The following UBE2QL1 variants were observed in gnomAD, a reference collection of about 807,000 sequenced individuals.
The protein encoded by UBE2QL1 is ubiquitin-conjugating enzyme E2Q-like protein 1.
A neutral mutation model predicts 12.6 loss-of-function variants in UBE2QL1; 5 were observed. The observed-to-expected ratio is 0.40, with a 90% CI of 0.21 to 0.83. The LOEUF is 0.83. Ranked by LOEUF, UBE2QL1 falls within the 40% of genes least tolerant of loss-of-function variation. The probability of loss-of-function intolerance (pLI) is 0.37; values close to 1 mark genes in which losing one functional copy is unlikely to be tolerated. For missense variants in UBE2QL1, 99 were observed against 222.6 expected, an observed-to-expected ratio of 0.44 and a Z score of 3.53; for synonymous variants, 96 against 94.5, an observed-to-expected ratio of 1.02 and a Z score of -0.10.
intron 1 of UBE2QL1, among the ~76,000 whole-genome samples, chr5:6,490,526 G>C (rs539929970): frequency 6.6e-6 from 1 of 152,112 alleles, no homozygotes; most frequent in African/African-American, 2.4e-5. Context: ...TCCCGGGATC[G>C]TGTGACAAAG....
At position 6,461,637 on chromosome 5, in the gene UBE2QL1, G is replaced by T. The variant is rs530537724; in HGVS notation, c.354+12390G>T. Among the ~76,000 whole-genome samples, 173 of 149,704 alleles carry T rather than the reference G, an allele frequency of 1.2e-3. 1 individual carries two copies. The highest frequency in any genetic ancestry group is 4.1e-3 in the African/African-American group (169 of 40,770). ...ATATCTAAATCAGTTCCTGGGCCTG[G>T]GTGGTGTTGCCATAACTACTGATCT... is the stretch of plus-strand genomic sequence containing the variant. On this transcript the variant is annotated intron_variant, in intron 1 of 1. Coordinates refer to ENST00000399816, the MANE Select transcript of UBE2QL1 (RefSeq NM_001145161.3).
chr5:6,484,233 G>A (rs928874991), intron 1 of UBE2QL1, among the ~76,000 whole-genome samples: 4 of 152,202 alleles, frequency 2.6e-5, no homozygotes, highest in Non-Finnish European at 2.9e-5. Flanking sequence ...CCATGTTGGC[G>A]TCGGAGGGGC....
chr5:6,469,740 A>G (rs1579294315), intron 1 of UBE2QL1, among the ~76,000 whole-genome samples: 1 of 152,078 alleles, frequency 6.6e-6, no homozygotes, highest in African/African-American at 2.4e-5. Context: ...TAAATGATCT[A>G]TAGGGACTTT....
intron 1 of UBE2QL1, among the ~76,000 whole-genome samples, chr5:6,456,036 C>A (rs2126325610): frequency 6.6e-6 from 1 of 152,306 alleles, no homozygotes; most frequent in African/African-American, 2.4e-5. Context: ...TGAGCAGACC[C>A]TCCAGAGCCG....
intron 1 of UBE2QL1, among the ~76,000 whole-genome samples, chr5:6,465,947 G>A (rs575104463): frequency 5.9e-5 from 9 of 151,864 alleles, no homozygotes; most frequent in Non-Finnish European, 1.0e-4. Flanking sequence ...TCCTTCCCCC[G>A]ACACCAGCCT....
At chr5:6,474,950 G>A (rs137924273) in intron 1 of UBE2QL1, among the ~76,000 whole-genome samples, 189 of 152,334 alleles carry the variant, frequency 1.2e-3, no homozygotes, top group African/African-American at 4.4e-3. Flanking sequence ...CTTGAGGAGA[G>A]GCTGGAGCAG....
chr5:6,470,495 C>G (rs1739887757), intron 1 of UBE2QL1, among the ~76,000 whole-genome samples: 1 of 152,094 alleles, frequency 6.6e-6, no homozygotes, highest in Non-Finnish European at 1.5e-5. Context: ...TTTTTCTGCA[C>G]CCGTGAACAC....
chr5:6,488,520 C>G (rs567849533), intron 1 of UBE2QL1, among the ~76,000 whole-genome samples: 1 of 151,816 alleles, frequency 6.6e-6, no homozygotes, highest in South Asian at 2.1e-4. Context: ...TGATGCTGGC[C>G]GGGCACACTG....
rs1364456298 is a variant in UBE2QL1 at position 6,481,309 on chromosome 5, C to T, written c.355-9909C>T. 6.6e-6 allele frequency among the ~76,000 whole-genome samples: 1 copy of T among 152,230 alleles called. No individual in the cohort carries two copies. The highest frequency in any genetic ancestry group is 2.4e-5 in the African/African-American group (1 of 41,450). On this transcript the variant is annotated intron_variant, in intron 1 of 1. Coordinates refer to ENST00000399816, the MANE Select transcript of UBE2QL1 (RefSeq NM_001145161.3). This position sits in a 1 kb window ranked among gnomAD's most constrained non-coding sequence, Gnocchi z 4.5. ...GCAGGCCTGGCCCCGGGTCACTTGG[C>T]ATGGTGGCCCACCACCTCCATCCCA...
chr5:6,493,689 A>G lies in UBE2QL1; in HGVS notation c.*2340A>G, dbSNP rs911368285. The G allele has an allele frequency of 1.3e-5, 2 of 151,714 alleles. No individual in the cohort carries two copies. The highest frequency in any genetic ancestry group is 4.9e-5 in the African/African-American group (2 of 40,962). 9.4% of individuals were successfully genotyped at this position (151,714 alleles called of 1,614,324 possible). A position where few individuals can be genotyped will look rare whatever the true frequency, so the allele number is the denominator to read the frequency against. On this transcript the variant is annotated 3_prime_UTR_variant, in exon 2 of 2. Transcript: ENST00000399816. ...AATACCATTTTTCACTCAATTGGTA[A>G]GAATTTTTCATTTTAAAAGCAGTAG...
At chr5:6,468,026 C>T (rs1418461433) in intron 1 of UBE2QL1, among the ~76,000 whole-genome samples, 3 of 152,152 alleles carry the variant, frequency 2.0e-5, no homozygotes, top group African/African-American at 7.2e-5. Context: ...TGAACAGGGA[C>T]TCGATCCATC....
At chr5:6,459,969 T>TG (rs1739616360) in intron 1 of UBE2QL1, among the ~76,000 whole-genome samples, 1 of 152,166 alleles carries the variant, frequency 6.6e-6, no homozygotes, top group Non-Finnish European at 1.5e-5. Context: ...CTCGAGGTAG[T>TG]GTGTGGCTCT....
intron 1 of UBE2QL1, among the ~76,000 whole-genome samples, chr5:6,463,116 T>A (rs1739710298): frequency 6.6e-6 from 1 of 152,238 alleles, no homozygotes; most frequent in Non-Finnish European, 1.5e-5. Context: ...CTTAATTGTA[T>A]CTCCCTTCAG....
intron 1 of UBE2QL1, among the ~76,000 whole-genome samples, chr5:6,461,658 G>C (rs1053341538): frequency 3.3e-5 from 5 of 151,626 alleles, no homozygotes; most frequent in African/African-American, 1.2e-4. Context: ...CATAACTACT[G>C]ATCTAGGTTT....
intron 1 of UBE2QL1, among the ~76,000 whole-genome samples, chr5:6,470,804 T>C (rs112488353): frequency 7.9e-5 from 12 of 152,282 alleles, no homozygotes; most frequent in African/African-American, 2.9e-4. Context: ...TGTACCCTAA[T>C]TACCATAGGG....
At chr5:6,449,294 C>T in intron 1 of UBE2QL1, 47 bp downstream of exon 1, 2 of 1,309,292 alleles carry the variant, frequency 1.5e-6, no homozygotes, top group Non-Finnish European at 1.9e-6. Flanking sequence ...GAGATCGGGT[C>T]TGCAGCGCCG....
intron 1 of UBE2QL1, among the ~76,000 whole-genome samples, chr5:6,490,795 T>C (rs748317143): frequency 1.8e-4 from 27 of 152,242 alleles, no homozygotes; most frequent in Non-Finnish European, 2.9e-4. Flanking sequence ...AGGCATTCTT[T>C]TGAGGGAGGG....
At chr5:6,490,244 A>C (rs1408738580) in intron 1 of UBE2QL1, among the ~76,000 whole-genome samples, 1 of 152,346 alleles carries the variant, frequency 6.6e-6, no homozygotes, top group East Asian at 1.9e-4. Context: ...CACAGGTCCA[A>C]CTGAGGCCAG....
At chr5:6,453,709 GCACACACACA>G (rs3073837) in intron 1 of UBE2QL1, among the ~76,000 whole-genome samples, 3,510 of 150,530 alleles carry the variant, frequency 0.023, 133 homozygotes, top group East Asian at 0.096. Flanking sequence ...ACACACATGT[GCACACACACA>G]CACACACACA....
Sources: gnomAD v4.1 joint callset for allele counts (sites outside exome capture counted in the v4.1 genomes callset) on GRCh38, gnomAD v4.1.1 for gene constraint, Gnocchi (gnomAD v3.1) non-coding constraint, MANE v1.5 for transcripts, NCBI Gene and HGNC (gene_info 2026-07-23, HGNC 2026-07-21) for gene names.